GAS2: variants seen among roughly 807,000 people sequenced by gnomAD.
The protein encoded by GAS2 is growth arrest-specific protein 2.
GAS2 carries 20 observed loss-of-function variants against 37.5 expected under a neutral mutation model. The observed-to-expected ratio is 0.53, with a 90% CI of 0.37 to 0.77. The LOEUF (loss-of-function observed/expected upper bound fraction) is 0.77. GAS2 is among the 30% of genes least tolerant of loss of function. The pLI, the probability that GAS2 is intolerant of heterozygous loss-of-function variation, is 0.00. For missense variants in GAS2, 336 were observed against 373.4 expected (o/e 0.90, Z 0.82); for synonymous variants, 144 against 132.2 (o/e 1.09, Z -0.61).
At chr11:22,740,248 G>A (rs1853000228) in intron 5 of GAS2, among the ~76,000 whole-genome samples, 2 of 152,108 alleles carry the variant, frequency 1.3e-5, no homozygotes, top group African/African-American at 4.8e-5. Context: ...TTTTAAAATT[G>A]TGATTTGGGT....
Position 22,697,979 on chromosome 11 carries a change from G to A in GAS2, c.267+12190G>A, listed in dbSNP as rs970971336. On this transcript the variant is annotated intron_variant, in intron 3 of 7. Coordinates refer to ENST00000454584, the MANE Select transcript of GAS2 (RefSeq NM_001143830.3). ...TGCCCTGGCCAGAACTTCCAACACT[G>A]TGTTGAATAGGAGTGGTGAGAGAGG... is the stretch of plus-strand genomic sequence containing the variant. Among the ~76,000 whole-genome samples the A allele has an allele frequency of 2.0e-4, 30 of 152,042 alleles. 1 individual carries two copies. Among genetic ancestry groups the A allele is most frequent in the Admixed American group, 1.5e-3 (23 of 15,218 alleles).
In GAS2 at chr11:22,652,993, G is replaced by GTCTTCCTTTCTTTCTTTCTT. The variant is rs1848805744; in HGVS notation, c.-20-21853_-20-21852insCCTTTCTTTCTTTCTTTCTT. 7.2e-5 allele frequency among the ~76,000 whole-genome samples: 7 copies of GTCTTCCTTTCTTTCTTTCTT among 97,114 alleles called. No individual in the cohort carries two copies. In the South Asian group the frequency reaches 2.5e-3, roughly 35 times the overall value. 63.7% of individuals were successfully genotyped at this position (97,114 alleles called of 152,430 possible). ...TTTCTTTCTTTGTCTTTCTTTCTTT[G>GTCTTCCTTTCTTTCTTTCTT]TCTTTCTTTCTTTCTTTCTTTCTTT... On this transcript the variant is annotated intron_variant, in intron 1 of 5. Coordinates refer to the GAS2 transcript ENST00000528582.
At chr11:22,682,741 G>A (rs1417259669) in intron 2 of GAS2, among the ~76,000 whole-genome samples, 1 of 151,688 alleles carries the variant, frequency 6.6e-6, no homozygotes, top group African/African-American at 2.4e-5. Flanking sequence ...AGGTGGGCAT[G>A]GTAGTGCATG....
chr11:22,806,543 G>T (rs1856898384), intron 7 of GAS2, among the ~76,000 whole-genome samples: 1 of 151,986 alleles, frequency 6.6e-6, no homozygotes, highest in Admixed American at 6.6e-5. Flanking sequence ...TTCCATAATG[G>T]CTATACTAAC....
At chr11:22,626,951 C>T (rs554748575) in intron 1 of GAS2, among the ~76,000 whole-genome samples, 6 of 152,130 alleles carry the variant, frequency 3.9e-5, no homozygotes, top group Middle Eastern at 3.2e-3. Flanking sequence ...GTCGCCCAGG[C>T]GCGGCCAATT....
chr11:22,731,765 G>A (rs1852489373), intron 4 of GAS2, among the ~76,000 whole-genome samples: 1 of 151,580 alleles, frequency 6.6e-6, no homozygotes, highest in East Asian at 1.9e-4. Context: ...GAGTATTTTT[G>A]TGGGAAAAAA....
At chr11:22,740,912 G>T (rs771196491) in intron 5 of GAS2, among the ~76,000 whole-genome samples, 5 of 152,190 alleles carry the variant, frequency 3.3e-5, no homozygotes, top group African/African-American at 9.6e-5. Flanking sequence ...TGCACACAGA[G>T]CAGATGAGTT....
intron 3 of GAS2, among the ~76,000 whole-genome samples, chr11:22,714,982 A>G (rs368524886): frequency 6.6e-6 from 1 of 152,212 alleles, no homozygotes; most frequent in Non-Finnish European, 1.5e-5. Flanking sequence ...ACCAAACTCA[A>G]ACCCAGGAGA....
intron 3 of GAS2, among the ~76,000 whole-genome samples, chr11:22,697,897 C>T (rs866833900): frequency 6.6e-6 from 1 of 152,140 alleles, no homozygotes; most frequent in Non-Finnish European, 1.5e-5. Flanking sequence ...CAAACAGGGA[C>T]AATTTGACTT....
intron 3 of GAS2, among the ~76,000 whole-genome samples, chr11:22,722,013 C>T (rs960359104): frequency 6.6e-6 from 1 of 151,904 alleles, no homozygotes; most frequent in Non-Finnish European, 1.5e-5. Context: ...TTATGAACAT[C>T]GTATAGCAGA....
intron 4 of GAS2, among the ~76,000 whole-genome samples, chr11:22,730,330 A>T (rs796264563): frequency 1.3e-5 from 2 of 151,934 alleles, no homozygotes; most frequent in African/African-American, 4.8e-5. Flanking sequence ...ATGCAATTGG[A>T]CCAATTAGCC....
chr11:22,650,282 A>G (rs1253095897), intron 1 of GAS2, among the ~76,000 whole-genome samples: 5 of 149,684 alleles, frequency 3.3e-5, no homozygotes, highest in Non-Finnish European at 6.0e-5. Context: ...GGTCTGAGAG[A>G]TAGTTTGTTA....
At chr11:22,741,590 AT>A (rs11363003) in intron 5 of GAS2, among the ~76,000 whole-genome samples, 2,100 of 152,222 alleles carry the variant, frequency 0.014, 55 homozygotes, top group African/African-American at 0.048. Context: ...TAAAAGAAAA[AT>A]ACTTTCGGAA....
At chr11:22,807,308 G>C (rs1856948302) in intron 7 of GAS2, among the ~76,000 whole-genome samples, 4 of 152,180 alleles carry the variant, frequency 2.6e-5, no homozygotes, top group Admixed American at 2.6e-4. Flanking sequence ...TCTTCCAAGA[G>C]AAAGAAACCT....
At chr11:22,629,563 T>C (rs1323624840) in intron 1 of GAS2, among the ~76,000 whole-genome samples, 2 of 152,238 alleles carry the variant, frequency 1.3e-5, no homozygotes, top group African/African-American at 4.8e-5. Context: ...ATTAGGGATG[T>C]TGAGTATTTT....
intron 1 of GAS2, among the ~76,000 whole-genome samples, chr11:22,641,340 A>ATATT (rs1848627668): frequency 6.8e-6 from 1 of 146,336 alleles, no homozygotes; most frequent in Non-Finnish European, 1.5e-5. Flanking sequence ...ATATATTTAT[A>ATATT]TATGTCTTTA....
chr11:22,680,783 T>C (rs1219347279), intron 2 of GAS2, among the ~76,000 whole-genome samples: 1 of 152,110 alleles, frequency 6.6e-6, no homozygotes, highest in Admixed American at 6.6e-5. Flanking sequence ...GAATGCACTG[T>C]CATGGAAAAT....
intron 5 of GAS2, among the ~76,000 whole-genome samples, chr11:22,742,709 T>C (rs1341927622): frequency 2.0e-5 from 3 of 152,138 alleles, no homozygotes; most frequent in African/African-American, 7.2e-5. Context: ...TGTGTGACTT[T>C]GTTACCAATT....
At chr11:22,681,460 T>C (rs1349696683) in intron 2 of GAS2, among the ~76,000 whole-genome samples, 2 of 152,180 alleles carry the variant, frequency 1.3e-5, no homozygotes, top group Non-Finnish European at 2.9e-5. Context: ...ATTTAGGAAG[T>C]GAAACTATTA....
Sources: allele counts gnomAD v4.1 joint callset (sites outside exome capture counted in the v4.1 genomes callset), GRCh38; gene constraint gnomAD v4.1.1; transcripts MANE v1.5; gene names NCBI Gene and HGNC (gene_info 2026-07-23, HGNC 2026-07-21).